The following FILIP1 variants were observed in gnomAD, a reference collection of about 807,000 sequenced individuals.
FILIP1 encodes the protein filamin A interacting protein 1.
Under a neutral mutation model 102.1 loss-of-function variants are expected in FILIP1, and 61 were observed. That is an observed-to-expected ratio of 0.60 (90% CI 0.49 to 0.74). FILIP1 has a LOEUF of 0.74. FILIP1 is among the 30% of genes least tolerant of loss of function. The probability of loss-of-function intolerance (pLI) is 0.00; values close to 1 mark genes in which losing one functional copy is unlikely to be tolerated. For missense variants in FILIP1, 1,314 were observed against 1,441.2 expected, an observed-to-expected ratio of 0.91 and a Z score of 1.43; for synonymous variants, 491 against 526.9, an observed-to-expected ratio of 0.93 and a Z score of 0.93.
chr6:75,471,159 C>CAAAAAAAAAA (rs67671264), intron 1 of FILIP1, among the ~76,000 whole-genome samples: 2 of 72,272 alleles, frequency 2.8e-5, no homozygotes, highest in African/African-American at 5.2e-5. Context: ...GACCTTGTCT[C>CAAAAAAAAAA]AAAAAAAAAA....
chr6:75,296,193 A>G (rs13213719), intron 6 of FILIP1, among the ~76,000 whole-genome samples: 8,408 of 152,240 alleles, frequency 0.055, 322 homozygotes, highest in Non-Finnish European at 0.078. Flanking sequence ...ATAGTAGATC[A>G]GTTTTGACCA....
chr6:75,462,601 C>T (rs1779057519), intron 1 of FILIP1, among the ~76,000 whole-genome samples: 1 of 152,022 alleles, frequency 6.6e-6, no homozygotes, highest in African/African-American at 2.4e-5. Context: ...TATATACACA[C>T]ACATACATAT....
chr6:75,343,239 C>T (rs1383897585), intron 4 of FILIP1, among the ~76,000 whole-genome samples: 1 of 152,224 alleles, frequency 6.6e-6, no homozygotes, highest in Non-Finnish European at 1.5e-5. Context: ...ACAATTCTGG[C>T]ATCCTGGACT....
At chr6:75,380,844 A>G (rs988369297) in intron 2 of FILIP1, among the ~76,000 whole-genome samples, 4 of 152,182 alleles carry the variant, frequency 2.6e-5, no homozygotes, top group African/African-American at 9.6e-5. Flanking sequence ...TATGGAAAAA[A>G]TACATGTGAA....
At chr6:75,388,538 T>G (rs553332165) in intron 2 of FILIP1, among the ~76,000 whole-genome samples, 1 of 152,344 alleles carries the variant, frequency 6.6e-6, no homozygotes, top group South Asian at 2.1e-4. Context: ...CATTTGTTTG[T>G]GTCCTCTCTT....
rs116831962 is a variant in FILIP1, at chr6:75,342,255, G to A, written c.629+11284C>T. On this transcript the variant is annotated intron_variant, in intron 4 of 5. Transcript: ENST00000237172. ...AGAAGAAATTGACTGCAGTTGAAGA[G>A]GTAAAACTTAGATCAGATAATCCTC... 5.7e-3 allele frequency among the ~76,000 whole-genome samples: 873 copies of A among 152,250 alleles called. 5 individuals carry two copies. The highest frequency in any genetic ancestry group is 0.02 in the Middle Eastern group (6 of 294).
At chr6:75,438,045 T>C (rs1389660367) in intron 1 of FILIP1, among the ~76,000 whole-genome samples, 2 of 152,236 alleles carry the variant, frequency 1.3e-5, no homozygotes, top group Non-Finnish European at 2.9e-5. Context: ...CTGCATTATC[T>C]CTGTTACATT....
At chr6:75,317,699 T>C (rs1348982947) in intron 4 of FILIP1, among the ~76,000 whole-genome samples, 4 of 152,152 alleles carry the variant, frequency 2.6e-5, no homozygotes, top group African/African-American at 9.7e-5. Context: ...ATTATTTCTG[T>C]TTTTCTAACC....
At chr6:75,407,653 A>G (rs758693729) in intron 2 of FILIP1, among the ~76,000 whole-genome samples, 6 of 152,172 alleles carry the variant, frequency 3.9e-5, no homozygotes, top group Non-Finnish European at 7.3e-5. Context: ...TAGCCTGGAA[A>G]ATACCAACGC....
chr6:75,293,535 C>G (rs1772592104), exon 7 of FILIP1: 1 of 152,124 alleles, frequency 6.6e-6, no homozygotes, highest in Non-Finnish European at 1.5e-5. Flanking sequence ...ATAGCATGGA[C>G]AGAAAAGGCT....
chr6:75,372,212 A>G (rs866384953), intron 2 of FILIP1, among the ~76,000 whole-genome samples: 28 of 151,922 alleles, frequency 1.8e-4, no homozygotes, highest in Non-Finnish European at 3.8e-4. Context: ...TACTAAAAAT[A>G]TAAAATTAGC....
chr6:75,387,712 C>A (rs2149651837), intron 2 of FILIP1, among the ~76,000 whole-genome samples: 1 of 152,256 alleles, frequency 6.6e-6, no homozygotes, highest in Non-Finnish European at 1.5e-5. Context: ...CCTTTGCCCA[C>A]TTTTTGATGG....
intron 4 of FILIP1, chr6:75,334,571 T>C (rs1774178822): frequency 6.6e-6 from 1 of 152,212 alleles, no homozygotes; most frequent in African/African-American, 2.4e-5. Flanking sequence ...AGTAAGCCTA[T>C]TAACAAATGA....
chr6:75,394,582 T>C (rs1322612020), intron 2 of FILIP1, among the ~76,000 whole-genome samples: 1 of 152,136 alleles, frequency 6.6e-6, no homozygotes, highest in East Asian at 1.9e-4. Flanking sequence ...CTCTCATTAA[T>C]CAATAAAAGA....
intron 2 of FILIP1, among the ~76,000 whole-genome samples, chr6:75,408,904 C>G (rs1048450876): frequency 2.2e-4 from 33 of 152,174 alleles, no homozygotes; most frequent in African/African-American, 7.7e-4. Flanking sequence ...GAAGCCCCCC[C>G]AGAATTGTGC....
chr6:75,322,725 A>C (rs1000740153), intron 4 of FILIP1, among the ~76,000 whole-genome samples: 2 of 151,954 alleles, frequency 1.3e-5, no homozygotes, highest in African/African-American at 4.8e-5. Context: ...ACAGAGTCTC[A>C]ATCTGTCACT....
chr6:75,411,193 A>G (rs1777056041), intron 2 of FILIP1, among the ~76,000 whole-genome samples: 1 of 152,162 alleles, frequency 6.6e-6, no homozygotes, highest in African/African-American at 2.4e-5. Flanking sequence ...TATTTATCAT[A>G]TGTTTGTTGG....
chr6:75,331,386 A>G (rs1278201516), intron 4 of FILIP1, among the ~76,000 whole-genome samples: 2 of 152,322 alleles, frequency 1.3e-5, no homozygotes, highest in East Asian at 3.9e-4. Context: ...AAGCTCCCTG[A>G]CTCATATAGA....
intron 4 of FILIP1, among the ~76,000 whole-genome samples, chr6:75,330,698 C>T (rs889147231): frequency 6.6e-6 from 1 of 152,092 alleles, no homozygotes; most frequent in South Asian, 2.1e-4. Flanking sequence ...ATTACATTTC[C>T]TTTGCTAGTA....
Sources: gnomAD v4.1 joint callset for allele counts (sites outside exome capture counted in the v4.1 genomes callset) on GRCh38, gnomAD v4.1.1 for gene constraint, MANE v1.5 for transcripts, NCBI Gene and HGNC (gene_info 2026-07-23, HGNC 2026-07-21) for gene names.